Variants in MPP7 observed in about 807,000 individuals in gnomAD.
MPP7 encodes the protein MAGUK p55 subfamily member 7.
Under a neutral mutation model 76.5 loss-of-function variants are expected in MPP7, and 60 were observed. The observed-to-expected ratio is 0.78, with a 90% confidence interval of 0.64 to 0.97. MPP7 has a LOEUF of 0.97. MPP7 is among the 50% of genes least tolerant of loss of function. The pLI, the probability that MPP7 is intolerant of heterozygous loss-of-function variation, is 0.00. For synonymous variants in MPP7, 237 were observed against 244.5 expected, an observed-to-expected ratio of 0.97 and a Z score of 0.29; for missense variants, 641 against 694.0, an observed-to-expected ratio of 0.92 and a Z score of 0.86.
intron 13 of MPP7, among the ~76,000 whole-genome samples, chr10:28,063,038 TA>T (rs368470080): frequency 1.5e-4 from 22 of 147,288 alleles, no homozygotes; most frequent in African/African-American, 2.2e-4. Flanking sequence ...AAGACACCAT[TA>T]AAAAAAAAAT....
chr10:28,334,199 T>TA (rs990961193), intron 1 of MPP7, among the ~76,000 whole-genome samples: 2 of 148,030 alleles, frequency 1.4e-5, no homozygotes, highest in African/African-American at 5.0e-5. Context: ...AGACCTTGTC[T>TA]AAAAAAAGAA....
In MPP7 at chr10:28,059,697, G is replaced by A; in HGVS notation, c.1251C>T (p.Tyr417=). ...CAAACAAATGCTTGGAAATGAAAAT[G>A]TATTCAACACCATCACTCTCCTGGC... The part of the protein sequence containing the change: ...RRSQESDGVE[Y]IFISKHLFET... The change falls in exon 14 of 17, where the codon TAC becomes TAT. Residue 417 remains tyrosine, a synonymous_variant. Transcript: ENST00000683449. The A allele has an allele frequency of 1.2e-6, 2 of 1,613,458 alleles. No homozygotes were observed. The highest frequency in any genetic ancestry group is 8.5e-7 in the Non-Finnish European group (1 of 1,179,626).
chr10:28,309,375 C>G lies in MPP7; in HGVS notation c.-132+20554G>C, dbSNP rs1437177886. ...GTTGCAGTGAGCCAAGATCCCACCA[C>G]TCTACTCCAGCCTGGGCAACAGAGT... On this transcript the variant is annotated intron_variant, in intron 2 of 11. Transcript: ENST00000441595. 2.0e-5 allele frequency among the ~76,000 whole-genome samples: 3 copies of G among 150,080 alleles called. No homozygotes were observed. The East Asian group carries it at 5.9e-4, about 30-fold the overall frequency.
At chr10:28,221,796 A>C (rs1316212707) in intron 2 of MPP7, among the ~76,000 whole-genome samples, 3 of 152,218 alleles carry the variant, frequency 2.0e-5, no homozygotes, top group Non-Finnish European at 4.4e-5. Context: ...ATATTTTTAA[A>C]ATCTAGGTGA....
chr10:28,176,312 A>G (rs978351683), intron 3 of MPP7, among the ~76,000 whole-genome samples: 1 of 152,028 alleles, frequency 6.6e-6, no homozygotes, highest in African/African-American at 2.4e-5. Context: ...AAAGCAAAGA[A>G]GCAATCAAAG....
intron 2 of MPP7, among the ~76,000 whole-genome samples, chr10:28,229,366 G>A (rs894829277): frequency 2.6e-5 from 4 of 152,174 alleles, no homozygotes; most frequent in Admixed American, 6.5e-5. Context: ...CTAACCTAGC[G>A]TTATGTGCTT....
intron 2 of MPP7, among the ~76,000 whole-genome samples, chr10:28,310,977 T>C (rs1479968984): frequency 1.3e-5 from 2 of 150,854 alleles, no homozygotes; most frequent in Admixed American, 1.3e-4. Context: ...TGATCTTGCT[T>C]ATAAATAAAA....
chr10:28,066,598 C>T (rs1851997405), intron 13 of MPP7, among the ~76,000 whole-genome samples: 1 of 152,156 alleles, frequency 6.6e-6, no homozygotes, highest in African/African-American at 2.4e-5. Context: ...TATATATACA[C>T]ATAAAAGTGT....
intron 3 of MPP7, among the ~76,000 whole-genome samples, chr10:28,167,639 C>A (rs947486102): frequency 3.3e-5 from 5 of 151,966 alleles, no homozygotes; most frequent in Admixed American, 3.3e-4. Context: ...TAAATAAGTA[C>A]TTGGCTGATA....
chr10:28,108,951 T>C (rs1018347664), intron 11 of MPP7, among the ~76,000 whole-genome samples: 4 of 152,182 alleles, frequency 2.6e-5, no homozygotes, highest in Non-Finnish European at 5.9e-5. Flanking sequence ...AGTCAATGTT[T>C]ACTTAGGAGG....
chr10:28,144,588 C>CA (rs1400396654), intron 5 of MPP7, among the ~76,000 whole-genome samples: 1 of 152,216 alleles, frequency 6.6e-6, no homozygotes. Context: ...TGGGACTTCA[C>CA]ATGCTCTTCC....
intron 3 of MPP7, among the ~76,000 whole-genome samples, chr10:28,169,512 T>C (rs1390693182): frequency 1.3e-5 from 2 of 151,078 alleles, no homozygotes; most frequent in Non-Finnish European, 2.9e-5. Context: ...CAAGACCCCA[T>C]CTCTTTAAAA....
At chr10:28,268,228 G>C (rs1457966859) in intron 1 of MPP7, among the ~76,000 whole-genome samples, 1 of 152,098 alleles carries the variant, frequency 6.6e-6, no homozygotes, top group African/African-American at 2.4e-5. Context: ...TGAGAGACAA[G>C]GGCATCCGGC....
In MPP7 at chr10:28,167,233, C is replaced by T. The variant is rs543189999; in HGVS notation, c.157-17174G>A. ...GGCTGAGGCACAAGAATCACTTGAA[C>T]CCAGGAGGTGGAGGTTGCAGTGAGC... On this transcript the variant is annotated intron_variant, in intron 3 of 16. Coordinates refer to ENST00000683449, the MANE Select transcript of MPP7 (RefSeq NM_001318170.2). Among the ~76,000 whole-genome samples, 191 of 151,932 alleles carry T rather than the reference C, an allele frequency of 1.3e-3. 1 individual carries two copies. Among genetic ancestry groups the T allele is most frequent in the Middle Eastern group, 6.8e-3 (2 of 294 alleles).
intron 1 of MPP7, among the ~76,000 whole-genome samples, chr10:28,254,004 GAA>G (rs199511617): frequency 0.034 from 3,179 of 92,342 alleles, 19 homozygotes; most frequent in African/African-American, 0.054. Context: ...TCACAAAAAA[GAA>G]AAAAAAAAAA....
At chr10:28,164,354 T>C (rs1365787306) in intron 3 of MPP7, among the ~76,000 whole-genome samples, 1 of 151,826 alleles carries the variant, frequency 6.6e-6, no homozygotes, top group Admixed American at 6.6e-5. Context: ...TGAGGTAAAA[T>C]GAAGGTGTTC....
At chr10:28,113,644 C>T (rs1318238656) in intron 11 of MPP7, among the ~76,000 whole-genome samples, 1 of 152,108 alleles carries the variant, frequency 6.6e-6, no homozygotes, top group Non-Finnish European at 1.5e-5. Context: ...CTGCAGACAG[C>T]CACGACCACC....
intron 3 of MPP7, among the ~76,000 whole-genome samples, chr10:28,199,717 C>G (rs1408771739): frequency 1.3e-5 from 2 of 152,074 alleles, no homozygotes; most frequent in East Asian, 3.9e-4. Context: ...TGCAATCCTC[C>G]CACATCAGAC....
At chr10:28,325,718 T>A (rs1834405901) in intron 2 of MPP7, among the ~76,000 whole-genome samples, 1 of 151,938 alleles carries the variant, frequency 6.6e-6, no homozygotes, top group Non-Finnish European at 1.5e-5. Context: ...GGTCTCAAAC[T>A]CCTGGCCTCA....
Sources: allele counts gnomAD v4.1 joint callset (sites outside exome capture counted in the v4.1 genomes callset), GRCh38; gene constraint gnomAD v4.1.1; transcripts MANE v1.5; gene names NCBI Gene and HGNC (gene_info 2026-07-23, HGNC 2026-07-21).